Variants in KCNJ6 observed in about 807,000 individuals in gnomAD.
KCNJ6 encodes potassium inwardly rectifying channel subfamily J member 6.
In KCNJ6, 9 loss-of-function variants were observed where a neutral mutation model predicts 34.2. That is an observed-to-expected ratio of 0.26 (90% CI 0.16 to 0.46). The LOEUF is 0.46. KCNJ6 is among the 20% of genes least tolerant of loss of function. The pLI, the probability that KCNJ6 is intolerant of heterozygous loss-of-function variation, is 1.00. For synonymous variants in KCNJ6, 196 were observed against 207.1 expected, an observed-to-expected ratio of 0.95 and a Z score of 0.46; for missense variants, 236 against 531.3, an observed-to-expected ratio of 0.44 and a Z score of 5.46.
At chr21:37,855,100 A>C (rs1020890048) in intron 1 of KCNJ6, among the ~76,000 whole-genome samples, 29 of 152,250 alleles carry the variant, frequency 1.9e-4, no homozygotes, top group Admixed American at 1.6e-3. Context: ...GACAGACCTC[A>C]ACAAAAGAAT....
chr21:37,858,408 A>AAG (rs2055576407), intron 1 of KCNJ6, among the ~76,000 whole-genome samples: 1 of 150,874 alleles, frequency 6.6e-6, no homozygotes, highest in Non-Finnish European at 1.5e-5. Context: ...AAAAAAAAAA[A>AAG]AAAAAAAAAG....
intron 1 of KCNJ6, among the ~76,000 whole-genome samples, chr21:37,841,267 C>A (rs1475701581): frequency 6.6e-6 from 1 of 151,948 alleles, no homozygotes; most frequent in African/African-American, 2.4e-5. Flanking sequence ...GGTTATAACC[C>A]ACTGAGTTTG....
chr21:37,868,137 TA>T (rs1235051711), intron 1 of KCNJ6, among the ~76,000 whole-genome samples: 1 of 152,190 alleles, frequency 6.6e-6, no homozygotes, highest in African/African-American at 2.4e-5. Flanking sequence ...CCTCCAGCAC[TA>T]TGGGGACAGT....
intron 3 of KCNJ6, among the ~76,000 whole-genome samples, chr21:37,643,569 A>G (rs956795485): frequency 4.6e-5 from 7 of 152,188 alleles, no homozygotes; most frequent in African/African-American, 1.7e-4. Flanking sequence ...CGGGAGTCGG[A>G]CCAATGTGTG....
chr21:37,737,197 C>G (rs376086197), intron 2 of KCNJ6, among the ~76,000 whole-genome samples: 1 of 152,150 alleles, frequency 6.6e-6, no homozygotes, highest in African/African-American at 2.4e-5. Flanking sequence ...TTCATATTGC[C>G]TCTCTCTGGG....
At chr21:37,743,931 G>A (rs1027467795) in intron 2 of KCNJ6, among the ~76,000 whole-genome samples, 4 of 151,522 alleles carry the variant, frequency 2.6e-5, no homozygotes, top group South Asian at 2.1e-4. Context: ...ATAATCCCAC[G>A]AAGATTTTTG....
intron 2 of KCNJ6, among the ~76,000 whole-genome samples, chr21:37,750,467 T>C (rs1377238873): frequency 1.1e-4 from 16 of 152,176 alleles, no homozygotes; most frequent in Admixed American, 1.0e-3. Context: ...CAGCAAAGAC[T>C]TGGAACCAAC....
At chr21:37,769,605 G>C (rs2055108415) in intron 2 of KCNJ6, among the ~76,000 whole-genome samples, 1 of 151,694 alleles carries the variant, frequency 6.6e-6, no homozygotes, top group Non-Finnish European at 1.5e-5. Flanking sequence ...GAGTTCTAGA[G>C]AACAGAGCTG....
intron 1 of KCNJ6, among the ~76,000 whole-genome samples, chr21:37,872,142 C>A (rs1212185964): frequency 6.6e-6 from 1 of 152,054 alleles, no homozygotes; most frequent in Non-Finnish European, 1.5e-5. Flanking sequence ...CAACACAGGG[C>A]AAGGCAGAAA....
chr21:37,702,187 C>T (rs947527166), intron 3 of KCNJ6, among the ~76,000 whole-genome samples: 8 of 134,166 alleles, frequency 6.0e-5, no homozygotes, highest in Admixed American at 4.4e-4. Flanking sequence ...CAGCTGAGAT[C>T]GTACCACTGC....
At chr21:37,796,054 C>A (rs960273757) in intron 2 of KCNJ6, among the ~76,000 whole-genome samples, 5 of 152,118 alleles carry the variant, frequency 3.3e-5, no homozygotes, top group Non-Finnish European at 7.3e-5. Context: ...GGAAGGGCAG[C>A]CATGGAGGAC....
In KCNJ6 at chr21:37,847,872, C is replaced by T. The variant is rs77992065; in HGVS notation, c.-27-7163G>A. Among the ~76,000 whole-genome samples, 867 of 151,672 alleles carry T rather than the reference C, an allele frequency of 5.7e-3. 6 individuals carry two copies. The highest frequency in any genetic ancestry group is 0.019 in the African/African-American group (777 of 41,316). On this transcript the variant is annotated intron_variant, in intron 1 of 3. Transcript: ENST00000609713. ...ACTCACAGAACCAGGGTGTGCCTCA[C>T]GGAGGAAGCAGCTTCAAGGTGTGAA...
intron 3 of KCNJ6, among the ~76,000 whole-genome samples, chr21:37,650,652 T>A (rs148567829): frequency 1.3e-5 from 2 of 152,338 alleles, no homozygotes; most frequent in Non-Finnish European, 2.9e-5. Context: ...TCATCTATTG[T>A]CTGAAGCACC....
intron 2 of KCNJ6, among the ~76,000 whole-genome samples, chr21:37,796,398 G>A (rs1398767398): frequency 6.6e-6 from 1 of 152,188 alleles, no homozygotes; most frequent in Non-Finnish European, 1.5e-5. Context: ...GCGGCAAAGT[G>A]GTTGGTATTT....
At position 37,717,163 on chromosome 21, in the gene KCNJ6, A is replaced by G. The variant is rs564332840; in HGVS notation, c.26-2032T>C. On this transcript the variant is annotated intron_variant, in intron 2 of 3. Coordinates refer to ENST00000609713, the MANE Select transcript of KCNJ6 (RefSeq NM_002240.5). Reference sequence around the variant, plus strand: ...ATCTGTTCTGCAGAGCCTACTCTCTAGTCTGACAGCTTTGACTTTTAGATG... The same window carrying G: ...ATCTGTTCTGCAGAGCCTACTCTCTGGTCTGACAGCTTTGACTTTTAGATG... The G allele has an allele frequency of 7.7e-4, 119 of 154,522 alleles. 1 individual carries two copies. Among genetic ancestry groups the G allele is most frequent in the African/African-American group, 2.7e-3 (111 of 41,666 alleles). 9.6% of individuals were successfully genotyped at this position (154,522 alleles called of 1,614,324 possible).
At chr21:37,914,985 G>A (rs756264364) in intron 1 of KCNJ6, among the ~76,000 whole-genome samples, 1 of 145,612 alleles carries the variant, frequency 6.9e-6, no homozygotes, top group Non-Finnish European at 1.5e-5. Flanking sequence ...CTGGTATTTT[G>A]TTTCTCCACT....
At chr21:37,862,581 C>G (rs2055600066) in intron 1 of KCNJ6, among the ~76,000 whole-genome samples, 1 of 152,218 alleles carries the variant, frequency 6.6e-6, no homozygotes. Context: ...TTGCTTCTAT[C>G]TGGGCAGCCA....
intron 2 of KCNJ6, among the ~76,000 whole-genome samples, chr21:37,839,780 T>C (rs2055469737): frequency 6.6e-6 from 1 of 152,248 alleles, no homozygotes; most frequent in Non-Finnish European, 1.5e-5. Flanking sequence ...GGCTTTATTC[T>C]AATAAATTCC....
chr21:37,630,162 T>TGTGTGTGG (rs748374656), intron 3 of KCNJ6, among the ~76,000 whole-genome samples: 4 of 64,456 alleles, frequency 6.2e-5, no homozygotes, highest in Admixed American at 3.2e-4. Context: ...GTGTGTGGTG[T>TGTGTGTGG]TTATGTTCCA....
Sources: allele counts gnomAD v4.1 joint callset (sites outside exome capture counted in the v4.1 genomes callset), GRCh38; gene constraint gnomAD v4.1.1; transcripts MANE v1.5; gene names NCBI Gene and HGNC (gene_info 2026-07-23, HGNC 2026-07-21).